The following MROH9 variants were observed in gnomAD, a reference collection of about 807,000 sequenced individuals.
The protein encoded by MROH9 is maestro heat-like repeat-containing protein family member 9.
Under a neutral mutation model 98.2 loss-of-function variants are expected in MROH9, and 92 were observed. That is an observed-to-expected ratio of 0.94 (90% CI 0.79 to 1.11). The LOEUF (loss-of-function observed/expected upper bound fraction) is 1.11. Ranked by LOEUF, MROH9 falls within the 50% of genes most tolerant of loss-of-function variation. The pLI is 0.00. For synonymous variants in MROH9, 397 were observed against 368.9 expected, an observed-to-expected ratio of 1.08 and a Z score of -0.87; for missense variants, 1,057 against 1,014.8, an observed-to-expected ratio of 1.04 and a Z score of -0.57.
intron 9 of MROH9, among the ~76,000 whole-genome samples, chr1:170,983,976 A>G (rs544091320): frequency 3.3e-4 from 50 of 152,246 alleles, no homozygotes; most frequent in Admixed American, 1.8e-3. Context: ...ATGAAAAATA[A>G]AAATTTAAAA....
At chr1:171,056,421 A>C (rs546527013) in intron 20 of MROH9, among the ~76,000 whole-genome samples, 36 of 152,066 alleles carry the variant, frequency 2.4e-4, no homozygotes, top group Non-Finnish European at 4.6e-4. Flanking sequence ...ATCCTTCCTC[A>C]CTGGGTGGGG....
In MROH9 at chr1:170,943,340, A is replaced by G. The variant is rs557392275; in HGVS notation, c.-37-2180A>G. Among the ~76,000 whole-genome samples the G allele has an allele frequency of 5.9e-5, 9 of 152,210 alleles. No individual in the cohort carries two copies. The East Asian group carries it at 1.7e-3, about 29-fold the overall frequency. ...CAGTGCAAAGAAAATGAATATTGCT[A>G]AAAATGTGCTAAAGAGAATAAAGGA... is the stretch of plus-strand genomic sequence containing the variant. On this transcript the variant is annotated intron_variant, in intron 1 of 21. Transcript: ENST00000367759.
In MROH9 at chr1:170,996,650, A is replaced by G; in HGVS notation, c.1475+6A>G. 6.2e-7 allele frequency: 1 copy of G among 1,613,110 alleles called. No individual in the cohort carries two copies. The highest frequency in any genetic ancestry group is 8.5e-7 in the Non-Finnish European group (1 of 1,179,352). On this transcript the variant is annotated splice_donor_region_variant and intron_variant, in intron 14 of 21. Transcript: ENST00000367759. ...GGAGTCTGCTTTATTGCTAAGTAAGAACAGGGGTCTCTGTGTAGGATTCTT... is the reference window on the plus strand; with the variant it reads ...GGAGTCTGCTTTATTGCTAAGTAAGGACAGGGGTCTCTGTGTAGGATTCTT...
At chr1:171,048,418 T>C (rs1041622806) in intron 20 of MROH9, among the ~76,000 whole-genome samples, 1 of 152,104 alleles carries the variant, frequency 6.6e-6, no homozygotes, top group Non-Finnish European at 1.5e-5. Flanking sequence ...CCTCACCTTG[T>C]AGCCACGACC....
intron 20 of MROH9, among the ~76,000 whole-genome samples, chr1:171,031,951 T>C (rs1652929474): frequency 6.6e-6 from 1 of 152,206 alleles, no homozygotes; most frequent in Non-Finnish European, 1.5e-5. Context: ...TGAAGCTCCA[T>C]ATTTTTTGGA....
At chr1:170,980,076 G>T (rs1032845412) in intron 8 of MROH9, among the ~76,000 whole-genome samples, 3 of 151,836 alleles carry the variant, frequency 2.0e-5, no homozygotes, top group African/African-American at 7.3e-5. Flanking sequence ...CACTGCTCAA[G>T]GAAATAAGAG....
chr1:171,029,127 A>G (rs1313482303), intron 20 of MROH9, among the ~76,000 whole-genome samples: 1 of 152,186 alleles, frequency 6.6e-6, no homozygotes, highest in African/African-American at 2.4e-5. Flanking sequence ...TGCCCATTCA[A>G]CATGACATTG....
intron 15 of MROH9, among the ~76,000 whole-genome samples, chr1:171,006,627 C>T (rs970487988): frequency 6.6e-6 from 1 of 151,628 alleles, no homozygotes; most frequent in Non-Finnish European, 1.5e-5. Context: ...TTAATAGTGT[C>T]CCTTACATCC....
At chr1:171,016,791 TTTG>T (rs1163045342) in intron 17 of MROH9, among the ~76,000 whole-genome samples, 2 of 152,184 alleles carry the variant, frequency 1.3e-5, no homozygotes, top group African/African-American at 4.8e-5. Flanking sequence ...CAAATAAATG[TTTG>T]TTATTATCAT....
intron 1 of MROH9, among the ~76,000 whole-genome samples, chr1:170,936,867 G>A (rs1648905011): frequency 6.6e-6 from 1 of 151,954 alleles, no homozygotes; most frequent in African/African-American, 2.4e-5. Flanking sequence ...CGTGGGGTGG[G>A]GGAGATCTGT....
intron 17 of MROH9, among the ~76,000 whole-genome samples, chr1:171,018,758 A>G (rs1652411829): frequency 6.6e-6 from 1 of 152,240 alleles, no homozygotes; most frequent in Admixed American, 6.5e-5. Flanking sequence ...TATGAAGCAT[A>G]CACAAGTATC....
chr1:170,935,789 C>G (rs976610904), intron 1 of MROH9, among the ~76,000 whole-genome samples: 5 of 151,580 alleles, frequency 3.3e-5, no homozygotes, highest in African/African-American at 1.2e-4. Context: ...GTCAGGAGGT[C>G]GAGACCACCC....
chr1:170,942,368 G>GACACAC (rs10529238), intron 1 of MROH9, among the ~76,000 whole-genome samples: 41 of 145,064 alleles, frequency 2.8e-4, no homozygotes, highest in Non-Finnish European at 4.2e-4. Flanking sequence ...ATGTAGAGTA[G>GACACAC]ACACACACAC....
At chr1:171,063,626 C>G (rs1654078579) in intron 21 of MROH9, among the ~76,000 whole-genome samples, 1 of 152,116 alleles carries the variant, frequency 6.6e-6, no homozygotes, top group Admixed American at 6.6e-5. Flanking sequence ...TTAACTTTTT[C>G]ACTTACCTTT....
At position 170,969,906 on chromosome 1, in the gene MROH9, C is replaced by T. The variant is rs573729681; in HGVS notation, c.481-1842C>T. On this transcript the variant is annotated intron_variant, in intron 7 of 21. Transcript: ENST00000367759. ...AGAGGAGGGGTAACTGTGGTTGTCA[C>T]GCTTCTGAAGGGGCTTGGCAGGATA... is the stretch of plus-strand genomic sequence containing the variant. 5.3e-5 allele frequency among the ~76,000 whole-genome samples: 8 copies of T among 152,216 alleles called. No homozygotes were observed. In the South Asian group the frequency reaches 8.3e-4, roughly 16 times the overall value.
At chr1:171,003,959 A>T (rs1283171743) in intron 15 of MROH9, among the ~76,000 whole-genome samples, 1 of 151,894 alleles carries the variant, frequency 6.6e-6, no homozygotes. Flanking sequence ...AAGTCACTGG[A>T]GTTGTGTACC....
In MROH9 at chr1:171,041,128, T is replaced by C. The variant is rs900570373; in HGVS notation, c.2281+15708T>C. Among the ~76,000 whole-genome samples the C allele has an allele frequency of 5.3e-5, 8 of 151,804 alleles. 1 individual carries two copies. In the South Asian group the frequency reaches 1.0e-3, roughly 20 times the overall value. On this transcript the variant is annotated intron_variant, in intron 20 of 21. Coordinates refer to ENST00000367759, the MANE Select transcript of MROH9 (RefSeq NM_001163629.2). ...ATAGGTATTATTTTATCCCTCATTC[T>C]CTTTCCACCCTCCCACGTTTTGGAG...
chr1:171,028,511 G>A (rs549734646), intron 20 of MROH9, among the ~76,000 whole-genome samples: 2 of 152,200 alleles, frequency 1.3e-5, no homozygotes, highest in Admixed American at 1.3e-4. Context: ...GCTATATGGG[G>A]TCTTCTTTCA....
chr1:170,940,045 C>T (rs1445868571), intron 1 of MROH9, among the ~76,000 whole-genome samples: 1 of 152,174 alleles, frequency 6.6e-6, no homozygotes, highest in Non-Finnish European at 1.5e-5. Context: ...GGGCTCCATT[C>T]AAATTAGCAG....
Sources: allele counts gnomAD v4.1 joint callset (sites outside exome capture counted in the v4.1 genomes callset), GRCh38; gene constraint gnomAD v4.1.1; transcripts MANE v1.5; gene names NCBI Gene and HGNC (gene_info 2026-07-23, HGNC 2026-07-21).